PCDH9: variants seen among roughly 807,000 people sequenced by gnomAD.
PCDH9 encodes the protein protocadherin-9.
In PCDH9, 24 loss-of-function variants were observed where a neutral mutation model predicts 70.6. That is an observed-to-expected ratio of 0.34 (90% CI 0.25 to 0.48). The LOEUF is 0.48. PCDH9 is among the 20% of genes least tolerant of loss of function. The pLI is 0.99. For missense variants in PCDH9, 1,281 were observed against 1,503.6 expected, an observed-to-expected ratio of 0.85 and a Z score of 2.45; for synonymous variants, 562 against 558.5, an observed-to-expected ratio of 1.01 and a Z score of -0.09.
At chr13:66,498,735 A>G (rs1334042782) in intron 4 of PCDH9, among the ~76,000 whole-genome samples, 1 of 152,104 alleles carries the variant, frequency 6.6e-6, no homozygotes, top group Non-Finnish European at 1.5e-5. Flanking sequence ...TTTTTAATGT[A>G]CTGTTGATGT....
chr13:66,396,576 AATAGATAGACAGACAG>A (rs555140632), intron 4 of PCDH9, among the ~76,000 whole-genome samples: 135 of 127,408 alleles, frequency 1.1e-3, no homozygotes, highest in African/African-American at 3.1e-3. Flanking sequence ...GAATATACGA[AATAGATAGACAGACAG>A]ATAGATAGAC....
At chr13:67,043,349 T>C (rs1296435484) in intron 2 of PCDH9, among the ~76,000 whole-genome samples, 1 of 152,138 alleles carries the variant, frequency 6.6e-6, no homozygotes. Flanking sequence ...GAAGTCGATA[T>C]ACGAGGATTG....
intron 4 of PCDH9, among the ~76,000 whole-genome samples, chr13:66,542,072 A>G (rs188085594): frequency 7.4e-4 from 113 of 152,276 alleles, no homozygotes; most frequent in Admixed American, 2.5e-3. Context: ...GATCTGTGTA[A>G]AACAGCAGAT....
At chr13:66,639,355 T>C (rs2077680089) in intron 3 of PCDH9, among the ~76,000 whole-genome samples, 1 of 152,222 alleles carries the variant, frequency 6.6e-6, no homozygotes, top group Non-Finnish European at 1.5e-5. Context: ...TATTGTGAAA[T>C]GAGTTCCTCA....
Position 67,228,407 on chromosome 13 carries a change from G to T in PCDH9, c.34C>A (p.Leu12Met). 1 of 1,598,170 alleles carries T rather than the reference G, an allele frequency of 6.3e-7. No individual in the cohort carries two copies. The highest frequency in any genetic ancestry group is 8.5e-7 in the Non-Finnish European group (1 of 1,173,432). ...GAATCCAGCCTTAAACAGGCAATCAGAGCAGCCAACAGGTAAAAATCCCTC... is the reference window on the plus strand; with the variant it reads ...GAATCCAGCCTTAAACAGGCAATCATAGCAGCCAACAGGTAAAAATCCCTC... ...DLRDFYLLAA[L>M]IACLRLDSAI... The change falls in exon 2 of 5, where the codon CTG (leucine) becomes ATG (methionine). Residue 12 changes from leucine to methionine, a missense_variant. Leu to Met is a conservative substitution (Grantham distance 15, BLOSUM62 2). Around this residue, in one of 4 missense-constraint regions of PCDH9, gnomAD observed 798 missense variants for 1,003.1 expected, o/e 0.80. Coordinates refer to ENST00000377865, the MANE Select transcript of PCDH9 (RefSeq NM_203487.3).
chr13:66,353,056 G>T lies in PCDH9; in HGVS notation c.3341-48028C>A, dbSNP rs184364688. 9.7e-4 allele frequency among the ~76,000 whole-genome samples: 147 copies of T among 152,234 alleles called. 1 individual carries two copies. Among genetic ancestry groups the T allele is most frequent in the African/African-American group, 3.3e-3 (136 of 41,532 alleles). On this transcript the variant is annotated intron_variant, in intron 4 of 4. Coordinates refer to ENST00000377865, the MANE Select transcript of PCDH9 (RefSeq NM_203487.3). Reference sequence around the variant, plus strand: ...CTCCATTTTTACACATTTAAAGAGCGAATCAATTAAATGCTGGATAAGGTC... The same window carrying T: ...CTCCATTTTTACACATTTAAAGAGCTAATCAATTAAATGCTGGATAAGGTC...
intron 4 of PCDH9, among the ~76,000 whole-genome samples, chr13:66,432,577 A>G (rs970659392): frequency 2.2e-4 from 33 of 151,958 alleles, no homozygotes; most frequent in African/African-American, 8.0e-4. Flanking sequence ...CTATTTATGT[A>G]CCAGGCTGTA....
chr13:66,483,488 G>A (rs1958879060), intron 4 of PCDH9, among the ~76,000 whole-genome samples: 1 of 152,230 alleles, frequency 6.6e-6, no homozygotes, highest in Non-Finnish European at 1.5e-5. Context: ...GACATGAAGT[G>A]AGTGTGAAAC....
At chr13:66,605,194 T>C (rs1035576591) in intron 4 of PCDH9, among the ~76,000 whole-genome samples, 3 of 152,118 alleles carry the variant, frequency 2.0e-5, no homozygotes, top group African/African-American at 7.2e-5. Flanking sequence ...TCTTTTGTAA[T>C]AGTTTCTAAA....
chr13:66,315,668 A>C (rs956420578), intron 4 of PCDH9, among the ~76,000 whole-genome samples: 1 of 152,020 alleles, frequency 6.6e-6, no homozygotes, highest in Non-Finnish European at 1.5e-5. Context: ...TTTAATAGTG[A>C]CGGGGTTTCT....
chr13:66,964,025 C>T (rs2083392433), intron 2 of PCDH9, among the ~76,000 whole-genome samples: 2 of 151,824 alleles, frequency 1.3e-5, no homozygotes, highest in Admixed American at 6.6e-5. Flanking sequence ...AATAATAAAA[C>T]AAATAATAGA....
chr13:67,188,314 A>G (rs2088814385), intron 2 of PCDH9, among the ~76,000 whole-genome samples: 1 of 152,314 alleles, frequency 6.6e-6, no homozygotes, highest in South Asian at 2.1e-4. Context: ...AATTTCTATC[A>G]TCTAAACGTC....
intron 3 of PCDH9, among the ~76,000 whole-genome samples, chr13:66,743,923 A>G (rs1264082447): frequency 1.3e-5 from 2 of 152,198 alleles, no homozygotes; most frequent in Non-Finnish European, 2.9e-5. Flanking sequence ...AAATGGCTTA[A>G]AGTCTACTGG....
At chr13:66,878,559 T>C (rs1324103787) in intron 3 of PCDH9, among the ~76,000 whole-genome samples, 1 of 152,186 alleles carries the variant, frequency 6.6e-6, no homozygotes, top group Admixed American at 6.5e-5. Flanking sequence ...AAAAATCTTG[T>C]ATTTGGGCCT....
chr13:66,315,920 A>G lies in PCDH9; in HGVS notation c.3341-10892T>C, dbSNP rs191202466. Among the ~76,000 whole-genome samples the G allele has an allele frequency of 1.3e-3, 202 of 152,304 alleles. 1 individual carries two copies. The highest frequency in any genetic ancestry group is 4.7e-3 in the African/African-American group (196 of 41,570). On this transcript the variant is annotated intron_variant, in intron 4 of 4. Coordinates refer to ENST00000377865, the MANE Select transcript of PCDH9 (RefSeq NM_203487.3). ...AACTTAGTGGCTTAAAACAACCAGC[A>G]TTTATTTTTCTACATTTCTAAAGGT...
At chr13:66,638,350 T>C (rs904942979) in intron 3 of PCDH9, among the ~76,000 whole-genome samples, 2 of 152,144 alleles carry the variant, frequency 1.3e-5, no homozygotes, top group African/African-American at 4.8e-5. Flanking sequence ...AGACTTTCAC[T>C]GTATTAATCA....
intron 3 of PCDH9, among the ~76,000 whole-genome samples, chr13:66,752,734 T>C (rs1055828822): frequency 3.3e-5 from 5 of 152,206 alleles, no homozygotes; most frequent in Admixed American, 3.3e-4. Context: ...GGTGTTGCAG[T>C]TGTCTGATTT....
intron 4 of PCDH9, among the ~76,000 whole-genome samples, chr13:66,379,903 A>C (rs1956814373): frequency 6.6e-6 from 1 of 152,344 alleles, no homozygotes; most frequent in Admixed American, 6.5e-5. Context: ...CTGAATAACT[A>C]GTTGGGGCAA....
intron 3 of PCDH9, among the ~76,000 whole-genome samples, chr13:66,738,365 A>G (rs1234642995): frequency 6.6e-6 from 1 of 151,858 alleles, no homozygotes; most frequent in African/African-American, 2.4e-5. Context: ...CAAAGACCAA[A>G]AGTAGATAAA....
Sources: allele counts gnomAD v4.1 joint callset (sites outside exome capture counted in the v4.1 genomes callset), GRCh38; gene constraint gnomAD v4.1.1; regional missense constraint gnomAD v4.1.1; transcripts MANE v1.5; gene names NCBI Gene and HGNC (gene_info 2026-07-23, HGNC 2026-07-21).